The following COP1 variants were observed in gnomAD, a reference collection of about 807,000 sequenced individuals.
The protein encoded by COP1 is E3 ubiquitin-protein ligase COP1.
COP1 carries 24 observed loss-of-function variants against 101.3 expected under a neutral mutation model. The observed-to-expected ratio is 0.24, with a 90% CI of 0.17 to 0.33. The LOEUF (loss-of-function observed/expected upper bound fraction) is 0.33, where lower values mean the gene tolerates loss of function less well. Ranked by LOEUF, COP1 falls within the 10% of genes least tolerant of loss-of-function variation. The probability of loss-of-function intolerance (pLI) is 1.00; values close to 1 mark genes in which losing one functional copy is unlikely to be tolerated. For missense variants in COP1, 663 were observed against 906.2 expected, an observed-to-expected ratio of 0.73 and a Z score of 3.45; for synonymous variants, 347 against 341.9, an observed-to-expected ratio of 1.01 and a Z score of -0.17.
intron 9 of COP1, among the ~76,000 whole-genome samples, chr1:176,093,524 CAG>C (rs1681735964): frequency 6.6e-6 from 1 of 151,888 alleles, no homozygotes; most frequent in Non-Finnish European, 1.5e-5. Flanking sequence ...CTGGCCAAAA[CAG>C]TGAAACCCCT....
At chr1:175,956,667 T>A (rs1021448416) in intron 18 of COP1, among the ~76,000 whole-genome samples, 11 of 152,232 alleles carry the variant, frequency 7.2e-5, no homozygotes, top group African/African-American at 2.7e-4. Context: ...AGTCATGCAC[T>A]GCACAATGAC....
At chr1:176,139,369 A>G (rs1039136535) in intron 6 of COP1, among the ~76,000 whole-genome samples, 5 of 152,126 alleles carry the variant, frequency 3.3e-5, no homozygotes, top group Admixed American at 3.3e-4. Flanking sequence ...GGGAATGTAA[A>G]TTAGTTCAGC....
intron 18 of COP1, among the ~76,000 whole-genome samples, chr1:175,965,147 C>T (rs1651849696): frequency 6.6e-6 from 1 of 152,008 alleles, no homozygotes; most frequent in Non-Finnish European, 1.5e-5. Flanking sequence ...CAATTGCATC[C>T]TGAAAACTAA....
At chr1:176,129,470 C>T (rs1688567878) in intron 8 of COP1, among the ~76,000 whole-genome samples, 1 of 151,832 alleles carries the variant, frequency 6.6e-6, no homozygotes. Context: ...AACTTTCAAT[C>T]AACAGCAATC....
intron 11 of COP1, among the ~76,000 whole-genome samples, chr1:176,067,873 G>A (rs1676282917): frequency 6.6e-6 from 1 of 152,162 alleles, no homozygotes; most frequent in Non-Finnish European, 1.5e-5. Flanking sequence ...CACTGCTGTG[G>A]GGTCAGAGCC....
At chr1:176,030,948 G>A (rs183667434) in intron 14 of COP1, among the ~76,000 whole-genome samples, 314 of 152,276 alleles carry the variant, frequency 2.1e-3, no homozygotes, top group Non-Finnish European at 3.5e-3. Flanking sequence ...GAGAGATTTA[G>A]AGACAAAGGC....
intron 7 of COP1, among the ~76,000 whole-genome samples, chr1:176,135,911 G>A (rs936825598): frequency 1.0e-4 from 14 of 139,940 alleles, no homozygotes; most frequent in African/African-American, 3.5e-4. Flanking sequence ...TCTTAAACAT[G>A]TTCTATGTAT....
intron 2 of COP1, among the ~76,000 whole-genome samples, chr1:176,182,796 T>C (rs1005235598): frequency 3.3e-5 from 5 of 152,202 alleles, no homozygotes; most frequent in Admixed American, 2.6e-4. Context: ...AGAATGTCAT[T>C]GGCAATACAG....
chr1:176,003,044 C>T (rs1048769638), intron 15 of COP1, among the ~76,000 whole-genome samples: 1 of 151,114 alleles, frequency 6.6e-6, no homozygotes, highest in African/African-American at 2.4e-5. Context: ...TTAATGATTG[C>T]CATTCTAACT....
At chr1:176,179,451 T>C (rs1322423612) in intron 2 of COP1, among the ~76,000 whole-genome samples, 2 of 152,146 alleles carry the variant, frequency 1.3e-5, no homozygotes, top group Admixed American at 6.5e-5. Flanking sequence ...AGGAGTTTGT[T>C]AGGCTGGGTG....
chr1:176,051,665 G>A (rs192851650), intron 11 of COP1, among the ~76,000 whole-genome samples: 76 of 152,272 alleles, frequency 5.0e-4, no homozygotes, highest in Non-Finnish European at 2.2e-4. Flanking sequence ...GGAGATGACA[G>A]CTCCATGTGT....
intron 11 of COP1, among the ~76,000 whole-genome samples, chr1:176,074,632 T>C (rs1198273960): frequency 2.6e-5 from 4 of 152,142 alleles, no homozygotes; most frequent in East Asian, 1.9e-4. Flanking sequence ...TAAGAATGTA[T>C]TTCTGCCTCA....
At chr1:176,168,408 TG>T (rs1279869790) in intron 3 of COP1, among the ~76,000 whole-genome samples, 2 of 91,010 alleles carry the variant, frequency 2.2e-5, no homozygotes, top group Non-Finnish European at 2.2e-5. Context: ...GCTGGGTGGG[TG>T]GGGGGAGTAC....
At chr1:176,169,850 A>G (rs1209803649) in intron 3 of COP1, among the ~76,000 whole-genome samples, 1 of 152,232 alleles carries the variant, frequency 6.6e-6, no homozygotes. Context: ...GTTACATGAT[A>G]GCATCTTTCT....
intron 5 of COP1, among the ~76,000 whole-genome samples, chr1:176,158,805 A>ATTTTGT (rs1693867118): frequency 6.6e-6 from 1 of 151,792 alleles, no homozygotes; most frequent in African/African-American, 2.4e-5. Flanking sequence ...ATACCCAGCT[A>ATTTTGT]ATTTTTTGTA....
chr1:176,155,347 A>G (rs1479846726), intron 5 of COP1, among the ~76,000 whole-genome samples: 1 of 151,930 alleles, frequency 6.6e-6, no homozygotes, highest in Non-Finnish European at 1.5e-5. Context: ...TTATAAGTAA[A>G]TAAATATAAA....
chr1:176,028,716 T>TATATATATATATATATATATATAC (rs1668144454), intron 14 of COP1, among the ~76,000 whole-genome samples: 2 of 134,298 alleles, frequency 1.5e-5, no homozygotes, highest in Non-Finnish European at 3.2e-5. Flanking sequence ...TATATATATA[T>TATATATATATATATATATATATAC]ATATATATAT....
intron 11 of COP1, among the ~76,000 whole-genome samples, chr1:176,052,327 C>T (rs1336288918): frequency 6.6e-6 from 1 of 152,182 alleles, no homozygotes; most frequent in Non-Finnish European, 1.5e-5. Flanking sequence ...TGCCTAATGA[C>T]ACATTTTTCA....
chr1:175,958,308 C>A (rs1240224414), intron 18 of COP1, among the ~76,000 whole-genome samples: 1 of 151,898 alleles, frequency 6.6e-6, no homozygotes, highest in Non-Finnish European at 1.5e-5. Flanking sequence ...TAAATATTTT[C>A]TGATTTCCCA....
Sources: gnomAD v4.1 joint callset for allele counts (sites outside exome capture counted in the v4.1 genomes callset) on GRCh38, gnomAD v4.1.1 for gene constraint, MANE v1.5 for transcripts, NCBI Gene and HGNC (gene_info 2026-07-23, HGNC 2026-07-21) for gene names.